The following RIGI variants were observed in gnomAD, a reference collection of about 807,000 sequenced individuals.
RIGI encodes the protein RNA sensor RIG-I, also known as antiviral innate immune response receptor RIG-I.
At chr9:32,464,011 A>G in the RIGI span, among the ~76,000 whole-genome samples, 2 of 151,232 alleles carry the variant, frequency 1.3e-5, no homozygotes, top group African/African-American at 4.9e-5. Flanking sequence ...TGGGCTGTCT[A>G]CATGTTAAGA....
At chr9:32,523,230 A>G in the RIGI span, among the ~76,000 whole-genome samples, 1 of 152,176 alleles carries the variant, frequency 6.6e-6, no homozygotes, top group Non-Finnish European at 1.5e-5. Context: ...TGCAGCCAGC[A>G]AAAGAACCTA....
the RIGI span, among the ~76,000 whole-genome samples, chr9:32,476,227 C>T: frequency 6.6e-6 from 1 of 152,146 alleles, no homozygotes; most frequent in Non-Finnish European, 1.5e-5. Context: ...AACATAGTGA[C>T]AGCATGAAGC....
the RIGI span, chr9:32,493,823 T>C: frequency 1.2e-6 from 2 of 1,610,846 alleles, no homozygotes; most frequent in East Asian, 2.2e-5. Flanking sequence ...ATGATATCGG[T>C]TGGGATAATT....
chr9:32,477,646 C>T, the RIGI span, among the ~76,000 whole-genome samples: 2 of 152,004 alleles, frequency 1.3e-5, no homozygotes, highest in African/African-American at 4.8e-5. Flanking sequence ...ATAGTCAGGC[C>T]GGGTGTGGTG....
At chr9:32,488,659 G>A in the RIGI span, 1 of 1,405,770 alleles carries the variant, frequency 7.1e-7, no homozygotes, top group Non-Finnish European at 9.4e-7. Context: ...TAAATCATTT[G>A]TCAAAAACAA....
At chr9:32,501,734 G>A in the RIGI span, among the ~76,000 whole-genome samples, 5 of 152,168 alleles carry the variant, frequency 3.3e-5, no homozygotes, top group Admixed American at 6.6e-5. Context: ...TAAGCAAGTT[G>A]TCAGGCTGGT....
At chr9:32,490,294 T>G in the RIGI span, among the ~76,000 whole-genome samples, 1 of 152,168 alleles carries the variant, frequency 6.6e-6, no homozygotes, top group African/African-American at 2.4e-5. Context: ...GGAGAATCAC[T>G]TGAACCCAAG....
the RIGI span, among the ~76,000 whole-genome samples, chr9:32,498,689 C>T: frequency 3.3e-5 from 5 of 152,048 alleles, no homozygotes; most frequent in East Asian, 9.6e-4. Flanking sequence ...AACTTAAGAA[C>T]CACCATATTC....
At chr9:32,497,334 G>C in the RIGI span, among the ~76,000 whole-genome samples, 1 of 151,696 alleles carries the variant, frequency 6.6e-6, no homozygotes, top group Non-Finnish European at 1.5e-5. Context: ...TTTCTTTTTT[G>C]GATTATTTGT....
At chr9:32,502,979 T>C in the RIGI span, among the ~76,000 whole-genome samples, 6 of 152,330 alleles carry the variant, frequency 3.9e-5, no homozygotes, top group African/African-American at 1.4e-4. Flanking sequence ...TCTGAAGTAC[T>C]GGGGTTTAGG....
the RIGI span, chr9:32,466,251 T>C: frequency 6.2e-7 from 1 of 1,605,932 alleles, no homozygotes; most frequent in African/African-American, 1.3e-5. Context: ...CCCTGATAGT[T>C]ATTTATGGTC....
At chr9:32,483,501 C>T in the RIGI span, among the ~76,000 whole-genome samples, 1 of 152,136 alleles carries the variant, frequency 6.6e-6, no homozygotes, top group African/African-American at 2.4e-5. Context: ...GTGACTCCAT[C>T]ACCGTCTCTC....
chr9:32,471,787 T>A, the RIGI span, among the ~76,000 whole-genome samples: 1 of 152,230 alleles, frequency 6.6e-6, no homozygotes, highest in Non-Finnish European at 1.5e-5. Flanking sequence ...GGACTCATGT[T>A]GGAGTCAGAT....
the RIGI span, among the ~76,000 whole-genome samples, chr9:32,503,288 A>G: frequency 2.1e-4 from 32 of 152,180 alleles, no homozygotes; most frequent in Admixed American, 5.2e-4. Flanking sequence ...GGCAGTTCAC[A>G]TTTACTTTGC....
the RIGI span, chr9:32,457,262 T>C: frequency 6.2e-7 from 1 of 1,614,170 alleles, no homozygotes; most frequent in East Asian, 2.2e-5. Flanking sequence ...TCAAATGTCT[T>C]GTACTTCACA....
chr9:32,508,239 A>ATTTT, the RIGI span, among the ~76,000 whole-genome samples: 1,371 of 70,340 alleles, frequency 0.019, 175 homozygotes, highest in African/African-American at 0.039. Context: ...TATTTACTTA[A>ATTTT]TTTTTTTTTT....
the RIGI span, among the ~76,000 whole-genome samples, chr9:32,524,628 G>A: frequency 1.3e-4 from 7 of 52,934 alleles, no homozygotes; most frequent in Non-Finnish European, 2.5e-4. Context: ...TTTTTTTGGA[G>A]ACAAGAGTCT....
At chr9:32,523,937 TG>T in the RIGI span, among the ~76,000 whole-genome samples, 1 of 152,024 alleles carries the variant, frequency 6.6e-6, no homozygotes, top group Admixed American at 6.5e-5. Flanking sequence ...TCTGGATACC[TG>T]GAACACTCTA....
chr9:32,507,203 G>T, the RIGI span, among the ~76,000 whole-genome samples: 9 of 152,062 alleles, frequency 5.9e-5, no homozygotes, highest in Non-Finnish European at 1.2e-4. Flanking sequence ...TAAGACATTT[G>T]CCCAGTATCA....
Sources: allele counts gnomAD v4.1 joint callset (sites outside exome capture counted in the v4.1 genomes callset), GRCh38; gene constraint gnomAD v4.1.1; transcripts MANE v1.5; gene names NCBI Gene and HGNC (gene_info 2026-07-23, HGNC 2026-07-21).